The following DNAH17 variants were observed in gnomAD, a reference collection of about 807,000 sequenced individuals.
The protein encoded by DNAH17 is dynein axonemal heavy chain 17.
A neutral mutation model predicts 485.6 loss-of-function variants in DNAH17; 376 were observed. That is an observed-to-expected ratio of 0.77 (90% confidence interval 0.71 to 0.84). The LOEUF (loss-of-function observed/expected upper bound fraction) is 0.84, where lower values mean the gene tolerates loss of function less well. Ranked by LOEUF, DNAH17 falls within the 40% of genes least tolerant of loss-of-function variation. The pLI is 0.00. For synonymous variants in DNAH17, 3,031 were observed against 2,405.9 expected (o/e 1.26, Z -7.60); for missense variants, 6,370 against 5,839.3 (o/e 1.09, Z -2.96).
In DNAH17 at chr17:78,504,719, C is replaced by T. The variant is rs554753227; in HGVS notation, c.4956+574G>A. Among the ~76,000 whole-genome samples the T allele has an allele frequency of 3.9e-5, 6 of 152,174 alleles. No individual in the cohort carries two copies. The East Asian group carries it at 5.8e-4, about 15-fold the overall frequency. ...ACGGCAGAAGGAGCCCGCCCTGAGC[C>T]GGGGGACGCGCTTGCTGGGGAAGGA... On this transcript the variant is annotated intron_variant, in intron 31 of 80. Transcript: ENST00000389840.
chr17:78,515,051 CCA>C (rs765885537), intron 25 of DNAH17, 29 bp from the exon 26 acceptor site: 19 of 1,610,824 alleles, frequency 1.2e-5, no homozygotes, highest in Non-Finnish European at 1.5e-5. Flanking sequence ...GTTTCTCCTT[CCA>C]CTCTCATCAA....
rs368457348 is a variant in DNAH17 at position 78,572,912 on chromosome 17, T to C, written c.346-18A>G. 5.1e-4 allele frequency: 816 copies of C among 1,607,738 alleles called. 1 individual carries two copies. The highest frequency in any genetic ancestry group is 6.5e-4 in the Non-Finnish European group (766 of 1,176,386). On this transcript the variant is annotated intron_variant, in intron 2 of 80. Coordinates refer to ENST00000389840, the MANE Select transcript of DNAH17 (RefSeq NM_173628.4). The stretch of plus-strand genomic sequence containing the variant: ...GAGAGGACCTAAAAGGAAACACTTC[T>C]GTGGTTCCGCCCCCTGTGCCTTCAC...
At chr17:78,566,760 A>C in intron 10 of DNAH17, 30 bp from the exon 11 acceptor site, 1 of 1,543,272 alleles carries the variant, frequency 6.5e-7, no homozygotes, top group Non-Finnish European at 8.8e-7. Flanking sequence ...TCAACCTTGT[A>C]ATCAGCGTGC....
At chr17:78,512,284 T>C (rs1167395529) in intron 26 of DNAH17, among the ~76,000 whole-genome samples, 1 of 152,194 alleles carries the variant, frequency 6.6e-6, no homozygotes, top group Non-Finnish European at 1.5e-5. Flanking sequence ...TTGCATTCTT[T>C]CATGCCAAGA....
chr17:78,449,988 T>A (rs2087477164), intron 68 of DNAH17: 1 of 515,736 alleles, frequency 1.9e-6, no homozygotes, highest in Admixed American at 3.3e-5. Flanking sequence ...CCAGTTTGTT[T>A]TGATTGGGTT....
rs186149855 is a variant in DNAH17 at position 78,565,472 on chromosome 17, G to C, written c.1569+1142C>G. 2.0e-5 allele frequency among the ~76,000 whole-genome samples: 3 copies of C among 152,312 alleles called. No homozygotes were observed. The East Asian group carries it at 5.8e-4, about 29-fold the overall frequency. On this transcript the variant is annotated intron_variant, in intron 11 of 80. Transcript: ENST00000389840. ...TGACGTTTGTCGGGGAGAGATCTTT[G>C]TCCTTAGCAATCTCAGCCTTGAAAT...
chr17:78,521,219 A>AAGGG (rs1236550993), intron 25 of DNAH17, among the ~76,000 whole-genome samples: 1 of 152,200 alleles, frequency 6.6e-6, no homozygotes, highest in African/African-American at 2.4e-5. Context: ...CAGCCTGGCC[A>AAGGG]ACATGGCGAA....
At position 78,543,973 on chromosome 17, in the gene DNAH17, C is replaced by G; in HGVS notation, c.2416G>C (p.Glu806Gln). The change falls in exon 17 of 81, where the codon GAA becomes CAA. Residue 806 changes from glutamate to glutamine, a missense_variant. Glu to Gln is a conservative substitution (Grantham distance 29). Coordinates refer to ENST00000389840, the MANE Select transcript of DNAH17 (RefSeq NM_173628.4). ...MKDWSANPLF[E>Q]RKDNKKEALL... Reference sequence around the variant, plus strand: ...GCCTCTTTCTTATTGTCCTTTCTTTCAAACAGCGGGTTGGCCGACCAGTCC... The same window carrying G: ...GCCTCTTTCTTATTGTCCTTTCTTTGAAACAGCGGGTTGGCCGACCAGTCC... The G allele has an allele frequency of 6.2e-7, 1 of 1,614,026 alleles. No homozygotes were observed. The highest frequency in any genetic ancestry group is 8.5e-7 in the Non-Finnish European group (1 of 1,179,886).
At chr17:78,494,275 G>T in intron 40 of DNAH17, 102 bp from the exon 41 acceptor site, 2 of 1,491,354 alleles carry the variant, frequency 1.3e-6, no homozygotes, top group South Asian at 2.6e-5. Flanking sequence ...AGATGATAAA[G>T]GCGCCCTTGC....
At chr17:78,553,959 A>G (rs2091964540) in intron 14 of DNAH17, among the ~76,000 whole-genome samples, 1 of 151,946 alleles carries the variant, frequency 6.6e-6, no homozygotes, top group African/African-American at 2.4e-5. Flanking sequence ...TCTAAAGCTC[A>G]AAATCTTTTT....
intron 3 of DNAH17, 84 bp downstream of exon 3, chr17:78,572,617 G>A (rs566632535): frequency 2.4e-6 from 3 of 1,254,134 alleles, no homozygotes; most frequent in Non-Finnish European, 3.3e-6. Flanking sequence ...GGGTCGGAGT[G>A]GGGTGGAGTG....
chr17:78,448,339 AAAAT>A (rs570598845), intron 69 of DNAH17, among the ~76,000 whole-genome samples: 229 of 152,198 alleles, frequency 1.5e-3, no homozygotes, highest in African/African-American at 5.0e-3. Flanking sequence ...TCTCTACTAA[AAAAT>A]AAATAAATAA....
chr17:78,486,986 CTT>C (rs200078316), intron 44 of DNAH17, among the ~76,000 whole-genome samples: 38,844 of 127,808 alleles, frequency 0.3, 5,654 homozygotes, highest in Middle Eastern at 0.41. Context: ...CCCCTTGGTG[CTT>C]TTTTTTTTTT....
At chr17:78,459,706 G>A in intron 60 of DNAH17, 78 bp downstream of exon 60, 1 of 1,530,052 alleles carries the variant, frequency 6.5e-7, no homozygotes, top group Non-Finnish European at 9.0e-7. Context: ...CTGAGGCCAT[G>A]CTTCACCTCA....
At chr17:78,514,090 A>T (rs928489102) in intron 26 of DNAH17, among the ~76,000 whole-genome samples, 4 of 152,174 alleles carry the variant, frequency 2.6e-5, no homozygotes, top group African/African-American at 7.2e-5. Flanking sequence ...TGAGGACCCT[A>T]GCGAAGCTGT....
At chr17:78,466,888 A>G in intron 55 of DNAH17, 72 bp from the exon 56 acceptor site, 1 of 1,417,498 alleles carries the variant, frequency 7.1e-7, no homozygotes, top group South Asian at 1.5e-5. Flanking sequence ...CACTCTGCAG[A>G]AAGCTCTGCC....
In DNAH17 at chr17:78,437,817, G is replaced by A. The variant is rs61742072; in HGVS notation, c.11857C>T (p.His3953Tyr). 260,318 of 1,611,708 alleles carry A rather than the reference G, an allele frequency of 0.16. 22,566 individuals carry two copies. Among genetic ancestry groups the A allele is most frequent in the Middle Eastern group, 0.2 (1,209 of 6,054 alleles). ...TCCTCATGGCTGCCCGTGCTGTAGTGCTCCAGCTTCTTGTCCAGTGTTCCC... is the reference window on the plus strand; with the variant it reads ...TCCTCATGGCTGCCCGTGCTGTAGTACTCCAGCTTCTTGTCCAGTGTTCCC... ...WLGTLDKKLE[H>Y]YSTGSHEDYR... Residue 3953 changes from histidine to tyrosine, a missense_variant, in exon 74 of 81, where the codon CAC becomes TAC. By Grantham distance (83) the His-to-Tyr change is moderately conservative. Coordinates refer to ENST00000389840, the MANE Select transcript of DNAH17 (RefSeq NM_173628.4).
intron 16 of DNAH17, among the ~76,000 whole-genome samples, chr17:78,547,790 G>A (rs1160372435): frequency 6.6e-6 from 1 of 151,976 alleles, no homozygotes; most frequent in Non-Finnish European, 1.5e-5. Context: ...GCTCCTTTTT[G>A]TATTTTTAGT....
At chr17:78,441,640 A>T (rs186938089) in intron 71 of DNAH17, among the ~76,000 whole-genome samples, 1 of 152,190 alleles carries the variant, frequency 6.6e-6, no homozygotes, top group African/African-American at 2.4e-5. Flanking sequence ...CATGACCCCA[A>T]TAAGTCTGGG....
Sources: gnomAD v4.1 joint callset for allele counts (sites outside exome capture counted in the v4.1 genomes callset) on GRCh38, gnomAD v4.1.1 for gene constraint, MANE v1.5 for transcripts, NCBI Gene and HGNC (gene_info 2026-07-23, HGNC 2026-07-21) for gene names.